SEMA6D: variants seen among roughly 807,000 people sequenced by gnomAD.
The protein encoded by SEMA6D is semaphorin-6D.
Under a neutral mutation model 106.6 loss-of-function variants are expected in SEMA6D, and 35 were observed. The ratio of observed to expected loss-of-function variants is 0.33; its 90% CI spans 0.25 to 0.44. The LOEUF (loss-of-function observed/expected upper bound fraction) is 0.44, where lower values mean the gene tolerates loss of function less well. Among genes scored for constraint, SEMA6D ranks in the 20% least tolerant of loss-of-function variants. SEMA6D has a pLI of 1.00. For synonymous variants in SEMA6D, 499 were observed against 487.7 expected, an observed-to-expected ratio of 1.02 and a Z score of -0.31; for missense variants, 1,185 against 1,345.9, an observed-to-expected ratio of 0.88 and a Z score of 1.87.
intron 2 of SEMA6D, among the ~76,000 whole-genome samples, chr15:47,458,254 C>T (rs749342965): frequency 2.0e-5 from 3 of 151,572 alleles, no homozygotes; most frequent in Admixed American, 6.6e-5. Context: ...ACCATATATG[C>T]GGTAGTATGA....
chr15:47,236,805 T>C (rs927221504), intron 1 of SEMA6D, among the ~76,000 whole-genome samples: 2 of 152,180 alleles, frequency 1.3e-5, no homozygotes, highest in Admixed American at 1.3e-4. Flanking sequence ...GGGAAGGACA[T>C]AGATTATGAA....
intron 3 of SEMA6D, among the ~76,000 whole-genome samples, chr15:47,542,376 T>A (rs955838546): frequency 6.6e-6 from 1 of 152,218 alleles, no homozygotes; most frequent in Non-Finnish European, 1.5e-5. Flanking sequence ...ATCTCCATTA[T>A]GCTATAGGTG....
chr15:47,352,717 T>G (rs1444295266), intron 1 of SEMA6D, among the ~76,000 whole-genome samples: 1 of 152,204 alleles, frequency 6.6e-6, no homozygotes, highest in Non-Finnish European at 1.5e-5. Context: ...AGGCTTTAGT[T>G]GATTGACAGT....
At chr15:47,402,244 T>C (rs571915438) in intron 1 of SEMA6D, among the ~76,000 whole-genome samples, 68 of 152,328 alleles carry the variant, frequency 4.5e-4, no homozygotes, top group African/African-American at 1.6e-3. Flanking sequence ...AGCACAGTTC[T>C]AGAGTCAAAG....
chr15:47,440,636 G>A (rs1163870805), intron 2 of SEMA6D, among the ~76,000 whole-genome samples: 1 of 151,786 alleles, frequency 6.6e-6, no homozygotes, highest in Non-Finnish European at 1.5e-5. Context: ...ATATTCAGTG[G>A]TGCTGAAGAT....
intron 1 of SEMA6D, among the ~76,000 whole-genome samples, chr15:47,399,716 G>T (rs28470847): frequency 0.011 from 1,659 of 152,296 alleles, 37 homozygotes; most frequent in African/African-American, 0.038. Context: ...AGAAGCTGGG[G>T]ACTAAAGGAC....
Position 47,634,730 on chromosome 15 carries a change from T to C in SEMA6D, c.-55+33834T>C, listed in dbSNP as rs530310066. Among the ~76,000 whole-genome samples the C allele has an allele frequency of 2.0e-5, 3 of 152,020 alleles. No homozygotes were observed. In the East Asian group the frequency reaches 5.9e-4, roughly 30 times the overall value. On this transcript the variant is annotated intron_variant, in intron 4 of 19. Transcript: ENST00000558014. ...TGGTGGGGGCAATTGTAGCACTGCC[T>C]CTGTCTGTCAGGCAGGGAATAGAAG... is the stretch of plus-strand genomic sequence containing the variant.
At chr15:47,350,389 A>G (rs548843534) in intron 1 of SEMA6D, among the ~76,000 whole-genome samples, 23 of 152,314 alleles carry the variant, frequency 1.5e-4, no homozygotes, top group African/African-American at 5.5e-4. Context: ...AAATACTTGA[A>G]TATCTTTGAA....
intron 2 of SEMA6D, among the ~76,000 whole-genome samples, chr15:47,430,864 G>A (rs531551570): frequency 6.6e-6 from 1 of 152,232 alleles, no homozygotes; most frequent in South Asian, 2.1e-4. Context: ...TGGAGGTGAT[G>A]AATTGCAGGA....
rs192367803 is a variant in SEMA6D, at chr15:47,561,200, G to A, written c.-86-39665G>A. On this transcript the variant is annotated intron_variant, in intron 3 of 19. Transcript: ENST00000558014. ...ATTCATATCTGGACACATTACAGGC[G>A]GTTTATGGCCAAAGAAAAGGAGAAA... Among the ~76,000 whole-genome samples the A allele has an allele frequency of 3.7e-3, 563 of 151,912 alleles. 2 individuals are homozygous for A. The highest frequency in any genetic ancestry group is 4.9e-3 in the Non-Finnish European group (331 of 67,932).
intron 3 of SEMA6D, among the ~76,000 whole-genome samples, chr15:47,476,251 AG>A (rs1435353897): frequency 6.6e-6 from 1 of 152,174 alleles, no homozygotes; most frequent in Non-Finnish European, 1.5e-5. Flanking sequence ...GAACTGCAAA[AG>A]TTATTTAGGA....
intron 1 of SEMA6D, among the ~76,000 whole-genome samples, chr15:47,744,479 T>C (rs1384246539): frequency 6.6e-6 from 1 of 152,098 alleles, no homozygotes; most frequent in African/African-American, 2.4e-5. Flanking sequence ...CATGATCTGC[T>C]AGCCTGTGGG....
intron 3 of SEMA6D, among the ~76,000 whole-genome samples, chr15:47,557,552 C>A (rs989792681): frequency 1.3e-5 from 2 of 152,154 alleles, no homozygotes; most frequent in Non-Finnish European, 2.9e-5. Context: ...GCAGGGAAAT[C>A]AGCCTGAATT....
chr15:47,254,236 T>C (rs2141978728), intron 1 of SEMA6D, among the ~76,000 whole-genome samples: 1 of 150,740 alleles, frequency 6.6e-6, no homozygotes, highest in East Asian at 1.9e-4. Flanking sequence ...TAATAGTTTT[T>C]GGTGAAGTCT....
At chr15:47,327,734 G>A (rs1056878642) in intron 1 of SEMA6D, among the ~76,000 whole-genome samples, 7 of 152,156 alleles carry the variant, frequency 4.6e-5, no homozygotes, top group South Asian at 2.1e-4. Flanking sequence ...AATACCGTTG[G>A]TAGTGGTGCT....
chr15:47,735,267 A>G (rs1009754766), intron 1 of SEMA6D, among the ~76,000 whole-genome samples: 2 of 152,200 alleles, frequency 1.3e-5, no homozygotes, highest in African/African-American at 4.8e-5. Flanking sequence ...CATGACAACA[A>G]TAACTTTTAG....
chr15:47,600,610 C>T (rs2076631474), intron 3 of SEMA6D, among the ~76,000 whole-genome samples: 1 of 152,132 alleles, frequency 6.6e-6, no homozygotes, highest in Admixed American at 6.6e-5. Context: ...CTCTGGTCTA[C>T]TGGTGGATGC....
intron 2 of SEMA6D, among the ~76,000 whole-genome samples, chr15:47,447,613 G>A (rs1196124267): frequency 6.6e-6 from 1 of 152,086 alleles, no homozygotes. Flanking sequence ...TCTTCATCTG[G>A]CTGTTTATTT....
At chr15:47,300,469 T>G (rs1282558834) in intron 1 of SEMA6D, among the ~76,000 whole-genome samples, 1 of 152,078 alleles carries the variant, frequency 6.6e-6, no homozygotes, top group African/African-American at 2.4e-5. Context: ...TCATAAATAG[T>G]AGAAAAAATA....
Sources: allele counts gnomAD v4.1 joint callset (sites outside exome capture counted in the v4.1 genomes callset), GRCh38; gene constraint gnomAD v4.1.1; transcripts MANE v1.5; gene names NCBI Gene and HGNC (gene_info 2026-07-23, HGNC 2026-07-21).